SLC13A3: variants seen among roughly 807,000 people sequenced by gnomAD.
The protein encoded by SLC13A3 is Na(+)/dicarboxylate cotransporter 3.
Under a neutral mutation model 59.0 loss-of-function variants are expected in SLC13A3, and 40 were observed. The ratio of observed to expected loss-of-function variants is 0.68; its 90% confidence interval spans 0.53 to 0.88. The LOEUF (loss-of-function observed/expected upper bound fraction) is 0.88, where lower values mean the gene tolerates loss of function less well. Among genes scored for constraint, SLC13A3 ranks in the 40% least tolerant of loss-of-function variants. The pLI is 0.00. For missense variants in SLC13A3, 699 were observed against 783.2 expected, an observed-to-expected ratio of 0.89 and a Z score of 1.28; for synonymous variants, 317 against 330.3, an observed-to-expected ratio of 0.96 and a Z score of 0.44.
chr20:46,609,187 A>T lies in SLC13A3; in HGVS notation c.541+1259T>A, dbSNP rs61674461. On this transcript the variant is annotated intron_variant, in intron 3 of 12. Transcript: ENST00000279027. ...AAGTAAGACATTTTAAAGTGACATG[A>T]TGTGGCAGCCACTTTGCAACCATAA... 2.7e-3 allele frequency: 3,732 copies of T among 1,372,528 alleles called. 90 individuals are homozygous for T. The African/African-American group carries it at 0.049, about 18-fold the overall frequency. The allele number at this position is 1,372,528 out of a possible 1,614,324, so 85.0% of individuals were successfully genotyped here.
At chr20:46,673,564 C>A, upstream of SLC13A3, 1 of 152,448 alleles carries the variant, frequency 6.6e-6, no homozygotes, top group Non-Finnish European at 1.5e-5. Flanking sequence ...CTGGTTCCTT[C>A]TACTCACTCA....
Position 46,608,653 on chromosome 20 carries a change from G to A in SLC13A3, c.541+1793C>T. The A allele has an allele frequency of 6.8e-6, 3 of 444,148 alleles. No homozygotes were observed. In the South Asian group the frequency reaches 1.3e-4, roughly 20 times the overall value. The allele number at this position is 444,148 out of a possible 1,614,324, so 27.5% of individuals were successfully genotyped here. On this transcript the variant is annotated intron_variant, in intron 3 of 12. Coordinates refer to ENST00000279027, the MANE Select transcript of SLC13A3 (RefSeq NM_022829.6). ...AAGCAGGACCCCTTAGTGTATGACG[G>A]GGAAATACTCATGTGACTGTCAGTG... is the stretch of plus-strand genomic sequence containing the variant.
At chr20:46,583,203 G>A in intron 9 of SLC13A3, 1 of 616,220 alleles carries the variant, frequency 1.6e-6, no homozygotes, top group Non-Finnish European at 2.1e-6. Context: ...AATTCCTTAG[G>A]GGAAAGCAAA....
chr20:46,656,183 A>G (rs1324308267), upstream of SLC13A3, among the ~76,000 whole-genome samples: 2 of 143,848 alleles, frequency 1.4e-5, no homozygotes, highest in Non-Finnish European at 3.0e-5. Flanking sequence ...ATTATATTGT[A>G]TATAATATAG....
intron 1 of SLC13A3, among the ~76,000 whole-genome samples, chr20:46,660,224 C>A (rs964528897): frequency 6.6e-6 from 1 of 152,224 alleles, no homozygotes; most frequent in Non-Finnish European, 1.5e-5. Context: ...AGGATCATTT[C>A]TCTTTCAGGT....
At chr20:46,604,974 C>T (rs2122723611) in intron 3 of SLC13A3, among the ~76,000 whole-genome samples, 1 of 152,292 alleles carries the variant, frequency 6.6e-6, no homozygotes, top group South Asian at 2.1e-4. Flanking sequence ...TTCCTTTATG[C>T]AGCCAGGGTG....
At chr20:46,609,322 T>C (rs1244551400) in intron 3 of SLC13A3, among the ~76,000 whole-genome samples, 1 of 152,226 alleles carries the variant, frequency 6.6e-6, no homozygotes, top group Non-Finnish European at 1.5e-5. Context: ...CATTTCCCTC[T>C]TGGAGACTGT....
At chr20:46,651,557 A>G (rs1356910419), upstream of SLC13A3, 8 of 1,311,198 alleles carry the variant, frequency 6.1e-6, no homozygotes, top group Non-Finnish European at 9.7e-7. Context: ...CCTGGAGGAA[A>G]AGGGTGGTGC....
intron 9 of SLC13A3, chr20:46,583,221 A>T (rs978730858): frequency 1.7e-5 from 9 of 544,958 alleles, no homozygotes; most frequent in Non-Finnish European, 2.1e-5. Context: ...AAAATTTGAT[A>T]CATGGACACT....
intron 1 of SLC13A3, among the ~76,000 whole-genome samples, chr20:46,680,517 T>C (rs1487399553): frequency 6.6e-6 from 1 of 152,220 alleles, no homozygotes; most frequent in Non-Finnish European, 1.5e-5. Context: ...AGTCAGCTCC[T>C]GTGGTCAGCT....
At position 46,662,107 on chromosome 20, in the gene SLC13A3, T is replaced by C. The variant is rs141692059; in HGVS notation, c.-31+7936A>G. Among the ~76,000 whole-genome samples, 1,214 of 152,318 alleles carry C rather than the reference T, an allele frequency of 8.0e-3. 11 individuals are homozygous for C. Among genetic ancestry groups the C allele is most frequent in the Non-Finnish European group, 0.013 (871 of 68,026 alleles). ...TGGCAGTCTCCTCTTTCTCCAGCAGTTGTGTTAGGATTTGGAGCAGCTATG... is the reference window on the plus strand; with the variant it reads ...TGGCAGTCTCCTCTTTCTCCAGCAGCTGTGTTAGGATTTGGAGCAGCTATG... On this transcript the variant is annotated intron_variant, in intron 1 of 12. Transcript: ENST00000290317.
chr20:46,610,030 G>A (rs2062478152), intron 3 of SLC13A3, among the ~76,000 whole-genome samples: 1 of 152,176 alleles, frequency 6.6e-6, no homozygotes, highest in African/African-American at 2.4e-5. Context: ...CTGTCAACAT[G>A]GGGATTCATC....
upstream of SLC13A3, among the ~76,000 whole-genome samples, chr20:46,653,311 AG>A (rs1479738220): frequency 1.3e-5 from 2 of 152,210 alleles, no homozygotes; most frequent in Non-Finnish European, 1.5e-5. Flanking sequence ...CTCTCTGCAT[AG>A]CCTTAGACCC....
At chr20:46,683,219 C>CA (rs1039538502) in intron 1 of SLC13A3, among the ~76,000 whole-genome samples, 1 of 152,116 alleles carries the variant, frequency 6.6e-6, no homozygotes, top group African/African-American at 2.4e-5. Context: ...TCCCTTCTAA[C>CA]AAAAAAGCAG....
chr20:46,592,225 A>T (rs945052732), intron 6 of SLC13A3, among the ~76,000 whole-genome samples, 179 bp downstream of exon 6: 9 of 123,680 alleles, frequency 7.3e-5, no homozygotes, highest in Non-Finnish European at 1.2e-4. Context: ...AACTAAATGC[A>T]TACATACATA....
intron 1 of SLC13A3, among the ~76,000 whole-genome samples, chr20:46,679,057 G>C (rs2063141050): frequency 6.6e-6 from 1 of 152,208 alleles, no homozygotes; most frequent in East Asian, 1.9e-4. Context: ...GCAGATGCTG[G>C]AGCCATGCTT....
Position 46,667,459 on chromosome 20 carries a change from G to A in SLC13A3, c.-31+2584C>T, listed in dbSNP as rs560639879. Reference sequence around the variant, plus strand: ...TACAATATTTAGCATTAGAGCAGAGGTTTCAATCTGGTGGCCCAAATGTAG... The same window carrying A: ...TACAATATTTAGCATTAGAGCAGAGATTTCAATCTGGTGGCCCAAATGTAG... On this transcript the variant is annotated intron_variant, in intron 1 of 12. Coordinates refer to the SLC13A3 transcript ENST00000290317. 5.5e-4 allele frequency among the ~76,000 whole-genome samples: 84 copies of A among 152,228 alleles called. No individual in the cohort carries two copies. The South Asian group carries it at 0.017, about 31-fold the overall frequency.
chr20:46,574,433 C>T (rs1005682473), intron 10 of SLC13A3, among the ~76,000 whole-genome samples: 22 of 152,194 alleles, frequency 1.4e-4, no homozygotes, highest in Admixed American at 7.9e-4. Context: ...TGGATGCTGA[C>T]GTTGCACTGC....
intron 1 of SLC13A3, among the ~76,000 whole-genome samples, chr20:46,627,312 G>T (rs1238712554): frequency 2.0e-5 from 3 of 152,180 alleles, no homozygotes. Context: ...CAATAGTGCT[G>T]TGGATATAGA....
Sources: allele counts gnomAD v4.1 joint callset (sites outside exome capture counted in the v4.1 genomes callset), GRCh38; gene constraint gnomAD v4.1.1; transcripts MANE v1.5; gene names NCBI Gene and HGNC (gene_info 2026-07-23, HGNC 2026-07-21).